KDM4C: variants seen among roughly 807,000 people sequenced by gnomAD.
KDM4C encodes lysine demethylase 4C.
In KDM4C, 81 loss-of-function variants were observed where a neutral mutation model predicts 129.3. The observed-to-expected ratio is 0.63, with a 90% CI of 0.52 to 0.75. KDM4C has a LOEUF of 0.75. KDM4C is among the 30% of genes least tolerant of loss of function. KDM4C has a pLI of 0.00. For synonymous variants in KDM4C, 573 were observed against 456.1 expected (o/e 1.26, Z -3.26); for missense variants, 1,457 against 1,304.0 (o/e 1.12, Z -1.81).
chr9:6,856,074 C>T (rs1349927417), intron 5 of KDM4C, among the ~76,000 whole-genome samples: 1 of 152,024 alleles, frequency 6.6e-6, no homozygotes, highest in Non-Finnish European at 1.5e-5. Context: ...CCTCTAGTGC[C>T]TGGCACAGCA....
At chr9:6,744,307 C>T (rs776508739) in intron 1 of KDM4C, among the ~76,000 whole-genome samples, 4 of 152,050 alleles carry the variant, frequency 2.6e-5, no homozygotes, top group Non-Finnish European at 4.4e-5. Flanking sequence ...GGGCAGATCA[C>T]GAGGTTAAGA....
chr9:6,731,610 G>A (rs942477115), intron 1 of KDM4C, among the ~76,000 whole-genome samples: 1 of 152,106 alleles, frequency 6.6e-6, no homozygotes, highest in Non-Finnish European at 1.5e-5. Flanking sequence ...GGGATTACAG[G>A]CATGAGCCAC....
chr9:6,739,770 A>C (rs1817629907), intron 1 of KDM4C, among the ~76,000 whole-genome samples: 2 of 152,008 alleles, frequency 1.3e-5, no homozygotes, highest in African/African-American at 4.8e-5. Context: ...ACCAAGGAGG[A>C]AGGATTGCTA....
At chr9:7,110,655 G>A (rs1415376115) in intron 18 of KDM4C, among the ~76,000 whole-genome samples, 1 of 152,094 alleles carries the variant, frequency 6.6e-6, no homozygotes, top group Admixed American at 6.5e-5. Flanking sequence ...TGCTTTTCTG[G>A]TCTCTTTCTT....
At position 7,127,885 on chromosome 9, in the gene KDM4C, A is replaced by G. The variant is rs553709729; in HGVS notation, c.2611-181A>G. 3 of 532,834 alleles carry G rather than the reference A, an allele frequency of 5.6e-6. No homozygotes were observed. The South Asian group carries it at 8.6e-5, about 15-fold the overall frequency. The allele number at this position is 532,834 out of a possible 1,614,324, so 33.0% of individuals were successfully genotyped here. On this transcript the variant is annotated intron_variant, in intron 18 of 21. Transcript: ENST00000381309. ...AGTATAAACAAGTAGTGTTTATACT[A>G]TTTGTCTTCTTGCAACTTTTCTGTA...
rs538041538 is a variant in KDM4C, at chr9:6,810,096, C to T, written c.320+4322C>T. Among the ~76,000 whole-genome samples the T allele has an allele frequency of 2.4e-4, 36 of 152,282 alleles. No individual in the cohort carries two copies. The South Asian group carries it at 7.5e-3, about 32-fold the overall frequency. The stretch of plus-strand genomic sequence containing the variant: ...TTCAAAATATTATTAAGACTTGAGC[C>T]TTGAAGTTCTTTCTTCTCTTGTTAT... On this transcript the variant is annotated intron_variant, in intron 3 of 21. Transcript: ENST00000381309.
At chr9:6,748,561 C>G (rs1368697917) in intron 1 of KDM4C, 4 of 460,834 alleles carry the variant, frequency 8.7e-6, no homozygotes, top group Middle Eastern at 6.2e-4. Flanking sequence ...AGTTTTAATA[C>G]AAACAATCCC....
intron 17 of KDM4C, among the ~76,000 whole-genome samples, chr9:7,083,710 GA>G (rs1423505619): frequency 3.1e-5 from 2 of 65,480 alleles, no homozygotes; most frequent in Non-Finnish European, 6.3e-5. Context: ...GCACATGACT[GA>G]TGTGTGTGTG....
In KDM4C at chr9:6,721,663, A is replaced by C. The variant is rs1816959224; in HGVS notation, c.49+666A>C. Among the ~76,000 whole-genome samples, 7 of 143,896 alleles carry C rather than the reference A, an allele frequency of 4.9e-5. No homozygotes were observed. In the Admixed American group the frequency reaches 5.2e-4, roughly 11 times the overall value. 94.4% of individuals were successfully genotyped at this position (143,896 alleles called of 152,430 possible). On this transcript the variant is annotated intron_variant, in intron 1 of 17. Transcript: ENST00000536108. ...TAGTGCAGTGGCGTGGTCTCGGCTC[A>C]CTGCAACCTCCGCCTCCCGGGTTCA... is the stretch of plus-strand genomic sequence containing the variant.
At chr9:6,853,445 G>A (rs1240062296) in intron 5 of KDM4C, among the ~76,000 whole-genome samples, 1 of 152,180 alleles carries the variant, frequency 6.6e-6, no homozygotes, top group Admixed American at 6.5e-5. Flanking sequence ...GTGATCCGAG[G>A]TGGTGCCACT....
At chr9:6,817,327 A>G (rs1832301529) in intron 4 of KDM4C, among the ~76,000 whole-genome samples, 1 of 150,934 alleles carries the variant, frequency 6.6e-6, no homozygotes, top group African/African-American at 2.4e-5. Context: ...TCCACCTCCT[A>G]TGTAGCTGGG....
intron 1 of KDM4C, among the ~76,000 whole-genome samples, chr9:6,789,435 G>C (rs1273471140): frequency 6.6e-6 from 1 of 151,972 alleles, no homozygotes; most frequent in Non-Finnish European, 1.5e-5. Context: ...TGGTCAGGCT[G>C]TCTCGAACTC....
At position 6,948,091 on chromosome 9, in the gene KDM4C, T is replaced by C. The variant is rs538362712; in HGVS notation, c.922-32834T>C. On this transcript the variant is annotated intron_variant, in intron 8 of 21. Coordinates refer to ENST00000381309, the MANE Select transcript of KDM4C (RefSeq NM_015061.6). ...TTGAATCAGAATTCAGCTTTGTATA[T>C]TGAATCCCAATTTTTATGGTTACAT... 9.8e-5 allele frequency: 15 copies of C among 152,354 alleles called. No individual in the cohort carries two copies. The East Asian group carries it at 2.9e-3, about 29-fold the overall frequency. The allele number at this position is 152,354 out of a possible 1,614,324, so 9.4% of individuals were successfully genotyped here.
At chr9:6,887,915 C>A in intron 6 of KDM4C, 45 bp from the exon 7 acceptor site, 1 of 1,111,590 alleles carries the variant, frequency 9.0e-7, no homozygotes, top group South Asian at 1.2e-5. Flanking sequence ...TTGATATTTT[C>A]TCTTAATCGA....
At chr9:6,912,991 A>T (rs1819605891) in intron 8 of KDM4C, among the ~76,000 whole-genome samples, 1 of 152,014 alleles carries the variant, frequency 6.6e-6, no homozygotes, top group Admixed American at 6.5e-5. Context: ...CAGTATGTTG[A>T]GGAATTTAAC....
intron 18 of KDM4C, among the ~76,000 whole-genome samples, chr9:7,120,307 G>A (rs1839358706): frequency 1.3e-5 from 2 of 152,100 alleles, no homozygotes; most frequent in African/African-American, 2.4e-5. Context: ...GTAGTTAGCT[G>A]TCTTTTGTTT....
At chr9:7,147,615 G>T (rs935305034) in intron 19 of KDM4C, among the ~76,000 whole-genome samples, 2 of 152,116 alleles carry the variant, frequency 1.3e-5, no homozygotes, top group African/African-American at 4.8e-5. Context: ...CCCGTGTTTG[G>T]GGGTGAGAAG....
intron 8 of KDM4C, among the ~76,000 whole-genome samples, chr9:6,947,400 A>G (rs12347805): frequency 0.063 from 9,626 of 152,082 alleles, 393 homozygotes; most frequent in East Asian, 0.15. Context: ...TCCTGTTAGC[A>G]TTAATGCTTT....
At chr9:6,734,042 T>C (rs944509044) in intron 1 of KDM4C, among the ~76,000 whole-genome samples, 2 of 152,186 alleles carry the variant, frequency 1.3e-5, no homozygotes, top group African/African-American at 4.8e-5. Flanking sequence ...TATGTCATCC[T>C]GTGACTTAGA....
Sources: allele counts gnomAD v4.1 joint callset (sites outside exome capture counted in the v4.1 genomes callset), GRCh38; gene constraint gnomAD v4.1.1; transcripts MANE v1.5; gene names NCBI Gene and HGNC (gene_info 2026-07-23, HGNC 2026-07-21).